VTI1A: variants seen among roughly 807,000 people sequenced by gnomAD.
VTI1A encodes the protein vesicle transport through interaction with t-SNAREs homolog 1A.
A neutral mutation model predicts 34.9 loss-of-function variants in VTI1A; 22 were observed. The ratio of observed to expected loss-of-function variants is 0.63; its 90% CI spans 0.45 to 0.90. The LOEUF (loss-of-function observed/expected upper bound fraction) is 0.90. VTI1A is among the 40% of genes least tolerant of loss of function. VTI1A has a pLI of 0.00. For missense variants in VTI1A, 268 were observed against 275.6 expected, an observed-to-expected ratio of 0.97 and a Z score of 0.20; for synonymous variants, 87 against 97.3, an observed-to-expected ratio of 0.89 and a Z score of 0.62.
chr10:112,600,556 A>C (rs1331595975), intron 5 of VTI1A, among the ~76,000 whole-genome samples: 1 of 152,168 alleles, frequency 6.6e-6, no homozygotes, highest in African/African-American at 2.4e-5. Flanking sequence ...TGGCCTCTGC[A>C]GAAAGCGCTT....
At chr10:112,547,800 T>G (rs1851189383) in intron 5 of VTI1A, among the ~76,000 whole-genome samples, 1 of 152,202 alleles carries the variant, frequency 6.6e-6, no homozygotes, top group Non-Finnish European at 1.5e-5. Context: ...ATTATAGCGT[T>G]TTAATGAGAA....
intron 5 of VTI1A, among the ~76,000 whole-genome samples, chr10:112,599,531 G>C (rs1354823803): frequency 6.6e-6 from 1 of 152,198 alleles, no homozygotes; most frequent in Non-Finnish European, 1.5e-5. Context: ...GGCCTTCATG[G>C]AAAGCCTTCA....
chr10:112,774,652 T>C (rs1160662028), intron 7 of VTI1A, among the ~76,000 whole-genome samples: 2 of 152,072 alleles, frequency 1.3e-5, no homozygotes, highest in Non-Finnish European at 2.9e-5. Context: ...ATATTTGACC[T>C]GATTAACAGA....
At chr10:112,686,206 A>G (rs1848406021) in intron 7 of VTI1A, among the ~76,000 whole-genome samples, 1 of 152,170 alleles carries the variant, frequency 6.6e-6, no homozygotes, top group Admixed American at 6.5e-5. Context: ...TATCTAGTAG[A>G]AGACTATGTG....
At chr10:112,534,827 T>A (rs1850565706) in intron 4 of VTI1A, among the ~76,000 whole-genome samples, 1 of 152,204 alleles carries the variant, frequency 6.6e-6, no homozygotes, top group Non-Finnish European at 1.5e-5. Context: ...ATGTGCTTGT[T>A]GTATTTGCAT....
intron 5 of VTI1A, among the ~76,000 whole-genome samples, chr10:112,660,905 A>C (rs1252790677): frequency 6.6e-6 from 1 of 152,234 alleles, no homozygotes; most frequent in Non-Finnish European, 1.5e-5. Context: ...TCACTTCTGC[A>C]TGTTATCACT....
At chr10:112,748,829 C>A (rs1851002580) in intron 7 of VTI1A, among the ~76,000 whole-genome samples, 1 of 151,698 alleles carries the variant, frequency 6.6e-6, no homozygotes, top group African/African-American at 2.4e-5. Context: ...CGGGGTTTCA[C>A]CGTGTTAGCC....
At chr10:112,839,260 C>CGCAA in the VTI1A span, among the ~76,000 whole-genome samples, 2 of 152,252 alleles carry the variant, frequency 1.3e-5, no homozygotes, top group Admixed American at 1.3e-4. Context: ...GCTGACAACC[C>CGCAA]GCAAGCAATC....
intron 7 of VTI1A, among the ~76,000 whole-genome samples, chr10:112,766,309 GGTAGCCA>G (rs1851645993): frequency 6.6e-6 from 1 of 152,170 alleles, no homozygotes; most frequent in Admixed American, 6.5e-5. Flanking sequence ...TTCAACAGAT[GGTAGCCA>G]GTACTTTCAA....
At chr10:112,600,825 C>T (rs2134469583) in intron 5 of VTI1A, among the ~76,000 whole-genome samples, 1 of 152,318 alleles carries the variant, frequency 6.6e-6, no homozygotes, top group Non-Finnish European at 1.5e-5. Flanking sequence ...TACATTAAGA[C>T]AGTTAGTTGC....
chr10:112,546,020 ACG>A (rs1851085779), intron 5 of VTI1A, among the ~76,000 whole-genome samples: 11 of 138,976 alleles, frequency 7.9e-5, no homozygotes, highest in Admixed American at 2.7e-4. Flanking sequence ...GTGTGTATAT[ACG>A]TGTATACGCG....
intron 7 of VTI1A, among the ~76,000 whole-genome samples, chr10:112,691,246 A>G (rs972758888): frequency 6.7e-6 from 1 of 148,704 alleles, no homozygotes; most frequent in Non-Finnish European, 1.5e-5. Flanking sequence ...GGGCAACAGA[A>G]TGAGACTCTG....
At chr10:112,804,635 TG>T (rs1323939882) in intron 7 of VTI1A, among the ~76,000 whole-genome samples, 1 of 152,138 alleles carries the variant, frequency 6.6e-6, no homozygotes, top group Non-Finnish European at 1.5e-5. Context: ...GTCCCGGCCC[TG>T]GCATTACTCT....
chr10:112,674,280 T>G (rs1266171969), intron 7 of VTI1A, among the ~76,000 whole-genome samples: 2 of 152,242 alleles, frequency 1.3e-5, no homozygotes, highest in Admixed American at 6.5e-5. Context: ...CAAGTGCTTA[T>G]TCTTTCAGAA....
At chr10:112,642,141 G>A (rs1244289537) in intron 5 of VTI1A, among the ~76,000 whole-genome samples, 1 of 152,280 alleles carries the variant, frequency 6.6e-6, no homozygotes, top group African/African-American at 2.4e-5. Flanking sequence ...AAATATTCCA[G>A]AATGTAGACC....
chr10:112,762,585 GGACT>G (rs1397117573), intron 7 of VTI1A, among the ~76,000 whole-genome samples: 6 of 152,162 alleles, frequency 3.9e-5, no homozygotes, highest in African/African-American at 1.4e-4. Flanking sequence ...AACTTCAACA[GGACT>G]GACTAATTTT....
chr10:112,642,064 A>G (rs1442368966), intron 5 of VTI1A, among the ~76,000 whole-genome samples: 1 of 152,226 alleles, frequency 6.6e-6, no homozygotes, highest in African/African-American at 2.4e-5. Flanking sequence ...TCATAAACTT[A>G]TATGTGTCTT....
intron 7 of VTI1A, among the ~76,000 whole-genome samples, chr10:112,674,896 G>C (rs1847974058): frequency 6.6e-6 from 1 of 152,190 alleles, no homozygotes; most frequent in African/African-American, 2.4e-5. Flanking sequence ...AATGAGAAGA[G>C]TAAGAACAAA....
chr10:112,704,074 A>C (rs916055488), intron 7 of VTI1A, among the ~76,000 whole-genome samples: 6 of 152,156 alleles, frequency 3.9e-5, no homozygotes, highest in Non-Finnish European at 5.9e-5. Flanking sequence ...CTTCGGTCTT[A>C]TTTAAAATTC....
Sources: allele counts gnomAD v4.1 joint callset (sites outside exome capture counted in the v4.1 genomes callset), GRCh38; gene constraint gnomAD v4.1.1; transcripts MANE v1.5; gene names NCBI Gene and HGNC (gene_info 2026-07-23, HGNC 2026-07-21).